RINT1: variants seen among roughly 807,000 people sequenced by gnomAD.
RINT1 encodes RAD50-interacting protein 1.
A neutral mutation model predicts 97.7 loss-of-function variants in RINT1; 75 were observed. The observed-to-expected ratio is 0.77, with a 90% CI of 0.64 to 0.93. The LOEUF is 0.93. RINT1 is among the 40% of genes least tolerant of loss of function. The pLI, the probability that RINT1 is intolerant of heterozygous loss-of-function variation, is 0.00. For synonymous variants in RINT1, 303 were observed against 326.3 expected, an observed-to-expected ratio of 0.93 and a Z score of 0.77; for missense variants, 892 against 925.2, an observed-to-expected ratio of 0.96 and a Z score of 0.47.
Position 105,548,719 on chromosome 7 carries a change from T to G in RINT1, c.996+9T>G. The G allele has an allele frequency of 6.3e-7, 1 of 1,597,582 alleles. No individual in the cohort carries two copies. Among genetic ancestry groups the G allele is most frequent in the South Asian group, 1.1e-5 (1 of 88,514 alleles). ...CTAATGTGTTAAGCAAGGTGTGTTTTGCCAGCTCTTGTCCTTGGTTTTTAT... is the reference window on the plus strand; with the variant it reads ...CTAATGTGTTAAGCAAGGTGTGTTTGGCCAGCTCTTGTCCTTGGTTTTTAT... On this transcript the variant is annotated intron_variant, in intron 7 of 14. Coordinates refer to ENST00000257700, the MANE Select transcript of RINT1 (RefSeq NM_021930.6).
chr7:105,545,361 A>G (rs1175422726), intron 4 of RINT1, among the ~76,000 whole-genome samples: 2 of 150,648 alleles, frequency 1.3e-5, no homozygotes, highest in Non-Finnish European at 3.0e-5. Context: ...CTGAGGTAGG[A>G]GGATCGCTTG....
At chr7:105,560,920 C>T (rs1173547776) in intron 11 of RINT1, among the ~76,000 whole-genome samples, 1 of 151,866 alleles carries the variant, frequency 6.6e-6, no homozygotes, top group East Asian at 1.9e-4. Flanking sequence ...GGGGTTTCAC[C>T]ATGTTGGTCA....
intron 10 of RINT1, among the ~76,000 whole-genome samples, chr7:105,553,692 C>G (rs186010667): frequency 0.043 from 6,352 of 146,670 alleles, 191 homozygotes; most frequent in Non-Finnish European, 0.063. Context: ...GGATTACAGG[C>G]GTGAGCCACC....
rs758182035 is a variant in RINT1, at chr7:105,550,463, G to A, written c.1310G>A (p.Arg437Lys). 1.2e-6 allele frequency: 2 copies of A among 1,613,898 alleles called. No homozygotes were observed. The highest frequency in any genetic ancestry group is 1.3e-5 in the African/African-American group (1 of 74,914). Reference protein sequence around the residue: ...HILSEETCFQRWLTVERKFAL... With the variant: ...HILSEETCFQKWLTVERKFAL... ...CTATCAGAGGAAACCTGTTTTCAGA[G>A]ATGGTTGACGGTGGAGAGAAAATGT... is the stretch of plus-strand genomic sequence containing the variant. Residue 437 changes from arginine (R) to lysine (K), a missense_variant, in exon 9 of 15, where the codon AGA (arginine) becomes AAA (lysine). Transcript: ENST00000257700.
Position 105,567,181 on chromosome 7 carries a change from T to TA in RINT1, c.2250dup (p.Leu751ThrfsTer16). ...GGTTCTGCACTACTGCTGAAAGATG[T>TA]ACTGCAGTCAGCTTCAGGGCAGCTT... is the stretch of plus-strand genomic sequence containing the variant. On this transcript the variant is annotated frameshift_variant, in exon 15 of 15. Coordinates refer to ENST00000257700, the MANE Select transcript of RINT1 (RefSeq NM_021930.6). LOFTEE classifies it high-confidence loss of function. The TA allele has an allele frequency of 1.2e-6, 2 of 1,610,990 alleles. No homozygotes were observed. Among genetic ancestry groups the TA allele is most frequent in the Non-Finnish European group, 1.7e-6 (2 of 1,179,272 alleles).
rs1015357892 is a variant in RINT1, at chr7:105,532,299, A to C, written c.-17A>C. The stretch of plus-strand genomic sequence containing the variant: ...ACGCTGGCTGCGAATGGAGCCGAGG[A>C]CTCGCGCGGAGGCGAGATGCTACCA... On this transcript the variant is annotated 5_prime_UTR_variant, in exon 1 of 15. Transcript: ENST00000257700. The C allele has an allele frequency of 1.3e-6, 2 of 1,574,600 alleles. No individual in the cohort carries two copies. Among genetic ancestry groups the C allele is most frequent in the Non-Finnish European group, 1.7e-6 (2 of 1,163,960 alleles).
At chr7:105,533,949 C>G (rs1790127869) in intron 2 of RINT1, among the ~76,000 whole-genome samples, 1 of 152,148 alleles carries the variant, frequency 6.6e-6, no homozygotes, top group Non-Finnish European at 1.5e-5. Context: ...TAGGAGTGCT[C>G]TTTACAAAAA....
At chr7:105,534,052 A>G (rs1790132294) in intron 2 of RINT1, among the ~76,000 whole-genome samples, 1 of 151,986 alleles carries the variant, frequency 6.6e-6, no homozygotes, top group Non-Finnish European at 1.5e-5. Flanking sequence ...CCACATTTGA[A>G]TGGTTACACA....
intron 4 of RINT1, among the ~76,000 whole-genome samples, chr7:105,545,175 G>A (rs1396370218): frequency 1.3e-5 from 2 of 151,868 alleles, no homozygotes; most frequent in African/African-American, 4.8e-5. Context: ...ACTCCTGCCG[G>A]GCATGGTGGC....
chr7:105,551,637 C>T lies in RINT1; in HGVS notation c.1401C>T (p.Ile467=), dbSNP rs149361606. 30 of 1,612,132 alleles carry T rather than the reference C, an allele frequency of 1.9e-5. No individual in the cohort carries two copies. The African/African-American group carries it at 3.5e-4, about 19-fold the overall frequency. The change falls in exon 10 of 15, where the codon ATC becomes ATT. Residue 467 remains isoleucine, a synonymous_variant. Transcript: ENST00000257700. The part of the protein sequence containing the change: ...EAAWVSQYKD[I]TDVDEMKVPD... ...CCTGGGTATCGCAATATAAGGATATCACTGACGTGGATGAAATGAAAGTTC... is the reference window on the plus strand; with the variant it reads ...CCTGGGTATCGCAATATAAGGATATTACTGACGTGGATGAAATGAAAGTTC...
Position 105,546,965 on chromosome 7 carries a change from C to T in RINT1, c.571C>T (p.Leu191=), listed in dbSNP as rs750981021. The change falls in exon 5 of 15, where the codon CTA becomes TTA. Residue 191 remains leucine (L), a synonymous_variant. Transcript: ENST00000257700. ...TAATGTACCGGAGGCAGCCTCCACT[C>T]TAGTGTCTATGGCAGAACTTGACAT... ...TNNVPEAAST[L]VSMAELDIKL... is the part of the protein sequence containing the mutation. 1.2e-6 allele frequency: 2 copies of T among 1,613,774 alleles called. No homozygotes were observed. The highest frequency in any genetic ancestry group is 1.7e-6 in the Non-Finnish European group (2 of 1,179,886).
intron 6 of RINT1, among the ~76,000 whole-genome samples, chr7:105,547,937 G>A (rs1345369747): frequency 6.6e-6 from 1 of 151,714 alleles, no homozygotes; most frequent in East Asian, 1.9e-4. Context: ...ATGTTGGTCA[G>A]GCTGGCCTCG....
chr7:105,547,522 G>C (rs572148440), intron 6 of RINT1, among the ~76,000 whole-genome samples, 189 bp downstream of exon 6: 2 of 152,186 alleles, frequency 1.3e-5, no homozygotes, highest in South Asian at 4.1e-4. Context: ...AGGTGTGAGG[G>C]CTGTAAGGAA....
At position 105,567,254 on chromosome 7, in the gene RINT1, A is replaced by C; in HGVS notation, c.2322A>C (p.Gln774His). Residue 774 changes from glutamine (Q) to histidine (H), a missense_variant, in exon 15 of 15, where the codon CAA becomes CAC. Transcript: ENST00000257700. ...AAGTTGGAATTTACAAACTGGCTCAACAAGATGTTGAGATTCTACTTAATT... is the reference window on the plus strand; with the variant it reads ...AAGTTGGAATTTACAAACTGGCTCACCAAGATGTTGAGATTCTACTTAATT... ...LNEVGIYKLA[Q>H]QDVEILLNLR... 1 of 1,613,132 alleles carries C rather than the reference A, an allele frequency of 6.2e-7. No homozygotes were observed. Among genetic ancestry groups the C allele is most frequent in the South Asian group, 1.1e-5 (1 of 90,656 alleles).
rs1157330836 is a variant in RINT1, at chr7:105,548,648, C to T, written c.934C>T (p.Pro312Ser). The T allele has an allele frequency of 5.6e-6, 9 of 1,614,152 alleles. No homozygotes were observed. Among genetic ancestry groups the T allele is most frequent in the Non-Finnish European group, 7.6e-6 (9 of 1,180,008 alleles). Residue 312 changes from proline to serine, a missense_variant, in exon 7 of 15, where the codon CCT (proline) becomes TCT (serine). Transcript: ENST00000257700. ...CCTGCCCATCCAGGTTATGCTGACT[C>T]CTCTTCAGAAGAGGTTCAGGTATCA... The part of the protein sequence containing the change: ...VILPIQVMLT[P>S]LQKRFRYHFR...
chr7:105,555,335 A>G, intron 11 of RINT1, 108 bp downstream of exon 11: 2 of 839,848 alleles, frequency 2.4e-6, no homozygotes, highest in South Asian at 4.0e-5. Context: ...CATGCTAGAC[A>G]GAACCATAGT....
In RINT1 at chr7:105,567,361, G is replaced by A. The variant is rs767052244; in HGVS notation, c.*50G>A. ...GGTTTTTGTTTCTAAGAAAGAGGAA[G>A]CCAATTGGATTTCAAGTTATATGAT... On this transcript the variant is annotated 3_prime_UTR_variant, in exon 15 of 15. Transcript: ENST00000257700. 4.8e-5 allele frequency: 62 copies of A among 1,281,162 alleles called. No individual in the cohort carries two copies. Among genetic ancestry groups the A allele is most frequent in the Non-Finnish European group, 6.3e-5 (57 of 901,392 alleles). The allele number at this position is 1,281,162 out of a possible 1,614,324, so 79.4% of individuals were successfully genotyped here. A position where few individuals can be genotyped will look rare whatever the true frequency, so the allele number is the denominator to read the frequency against.
chr7:105,549,304 C>T (rs892547940), intron 7 of RINT1, among the ~76,000 whole-genome samples: 1 of 151,338 alleles, frequency 6.6e-6, no homozygotes, highest in African/African-American at 2.4e-5. Flanking sequence ...GGTATTTCTG[C>T]TCTTAAACCT....
intron 2 of RINT1, chr7:105,535,725 A>G: frequency 2.9e-6 from 1 of 340,814 alleles, no homozygotes; most frequent in Admixed American, 3.7e-5. Context: ...ATTTTGTTAG[A>G]TGAAGTCTTG....
Sources: gnomAD v4.1 joint callset for allele counts (sites outside exome capture counted in the v4.1 genomes callset) on GRCh38, gnomAD v4.1.1 for gene constraint, MANE v1.5 for transcripts, NCBI Gene and HGNC (gene_info 2026-07-23, HGNC 2026-07-21) for gene names.